Variants in ADAMTS9 observed in about 807,000 individuals in gnomAD.
ADAMTS9 encodes the protein A disintegrin and metalloproteinase with thrombospondin motifs 9.
Under a neutral mutation model 257.1 loss-of-function variants are expected in ADAMTS9, and 107 were observed. The ratio of observed to expected loss-of-function variants is 0.42; its 90% CI spans 0.36 to 0.49. The LOEUF is 0.49. ADAMTS9 is among the 20% of genes least tolerant of loss of function. The pLI is 0.03. For missense variants in ADAMTS9, 2,353 were observed against 2,469.1 expected (o/e 0.95, Z 1.00); for synonymous variants, 982 against 880.9 (o/e 1.11, Z -2.03).
At chr3:64,628,109 C>T (rs1416821558) in intron 16 of ADAMTS9, among the ~76,000 whole-genome samples, 3 of 152,160 alleles carry the variant, frequency 2.0e-5, no homozygotes, top group Non-Finnish European at 4.4e-5. Flanking sequence ...GAGAGACTTC[C>T]TTATGCCAAC....
chr3:64,633,297 C>A (rs946977440), intron 14 of ADAMTS9, among the ~76,000 whole-genome samples, 175 bp downstream of exon 14: 3 of 152,096 alleles, frequency 2.0e-5, no homozygotes, highest in Non-Finnish European at 2.9e-5. Context: ...TTTGGCACTA[C>A]ACGCATCAGA....
chr3:64,528,174 A>G (rs1358732756), intron 38 of ADAMTS9, among the ~76,000 whole-genome samples: 1 of 152,110 alleles, frequency 6.6e-6, no homozygotes, highest in African/African-American at 2.4e-5. Context: ...TCTCACACCC[A>G]GCCAGGACGT....
At chr3:64,649,809 T>C (rs1307887546) in intron 9 of ADAMTS9, 31 bp from the exon 10 acceptor site, 1 of 1,595,420 alleles carries the variant, frequency 6.3e-7, no homozygotes, top group African/African-American at 1.3e-5. Context: ...ACACAGATGG[T>C]GAGAACGGTG....
In ADAMTS9 at chr3:64,641,867, G is replaced by A. The variant is rs1193053630; in HGVS notation, c.1837C>T (p.Arg613Ter). 1 of 1,614,040 alleles carries A rather than the reference G, an allele frequency of 6.2e-7. No individual in the cohort carries two copies. Among genetic ancestry groups the A allele is most frequent in the South Asian group, 1.1e-5 (1 of 91,078 alleles). ...TCGGGIKTAI[R>*]ECNRPEPKNG... ...ACTTACTCTGGTCTGTTGCACTCTC[G>A]AATGGCTGTTTTGATGCCCCCTCCA... The change falls in exon 12 of 40, where the codon CGA becomes TGA. Residue 613 changes from arginine (R) to a stop codon, truncating the protein, a stop_gained. Transcript: ENST00000498707. LOFTEE classifies it high-confidence loss of function.
intron 29 of ADAMTS9, among the ~76,000 whole-genome samples, chr3:64,564,561 C>T (rs1246444370): frequency 2.0e-5 from 3 of 152,052 alleles, no homozygotes; most frequent in African/African-American, 7.3e-5. Flanking sequence ...TCTATACTAG[C>T]ATACAGTATA....
chr3:64,613,235 T>C, intron 22 of ADAMTS9, 110 bp downstream of exon 22: 1 of 1,345,894 alleles, frequency 7.4e-7, no homozygotes, highest in Non-Finnish European at 1.0e-6. Context: ...GTGTCCTGCA[T>C]GCCACCCGGC....
At chr3:64,655,425 G>C in intron 6 of ADAMTS9, 151 bp downstream of exon 6, 1 of 646,130 alleles carries the variant, frequency 1.5e-6, no homozygotes, top group South Asian at 1.9e-5. Flanking sequence ...TAAACATCTT[G>C]CAATGCACAG....
chr3:64,618,156 T>C (rs1195581499), intron 19 of ADAMTS9, among the ~76,000 whole-genome samples: 1 of 152,216 alleles, frequency 6.6e-6, no homozygotes, highest in Non-Finnish European at 1.5e-5. Flanking sequence ...ACCTGTCTAA[T>C]GAGGCCTTGG....
At chr3:64,575,546 G>C (rs1211368486) in intron 28 of ADAMTS9, among the ~76,000 whole-genome samples, 1 of 152,158 alleles carries the variant, frequency 6.6e-6, no homozygotes, top group East Asian at 1.9e-4. Context: ...AGGGGTGCTT[G>C]GGTGCTGCCA....
intron 12 of ADAMTS9, among the ~76,000 whole-genome samples, chr3:64,636,920 G>A (rs75372064): frequency 5.7e-4 from 86 of 152,188 alleles, no homozygotes; most frequent in African/African-American, 2.0e-3. Context: ...ACTGTCCTAC[G>A]TTCCAAATTC....
At chr3:64,673,000 T>C (rs980854602) in intron 3 of ADAMTS9, among the ~76,000 whole-genome samples, 4 of 134,434 alleles carry the variant, frequency 3.0e-5, no homozygotes, top group African/African-American at 1.2e-4. Flanking sequence ...AGTCACATAC[T>C]GTACAGGTCT....
intron 30 of ADAMTS9, among the ~76,000 whole-genome samples, chr3:64,555,535 G>A (rs1316382318): frequency 6.6e-6 from 1 of 152,184 alleles, no homozygotes; most frequent in Non-Finnish European, 1.5e-5. Flanking sequence ...TAGCTCAGCT[G>A]GCTGACTGGT....
rs536181242 is a variant in ADAMTS9 at position 64,685,971 on chromosome 3, C to T, written c.516+597G>A. Among the ~76,000 whole-genome samples, 17 of 152,346 alleles carry T rather than the reference C, an allele frequency of 1.1e-4. 2 individuals carry two copies. The highest frequency in any genetic ancestry group is 3.8e-4 in the African/African-American group (16 of 41,590). On this transcript the variant is annotated intron_variant, in intron 2 of 39. Coordinates refer to ENST00000498707, the MANE Select transcript of ADAMTS9 (RefSeq NM_182920.2). ...CCTTCTCCCCCGCCCCCAGAGCCCT[C>T]GGCCCACCCTTCCGTTCCTGGGACG...
chr3:64,553,673 T>G (rs2106938361), intron 30 of ADAMTS9, among the ~76,000 whole-genome samples: 1 of 152,210 alleles, frequency 6.6e-6, no homozygotes, highest in South Asian at 2.1e-4. Context: ...CCTTGTCACT[T>G]GCAAACTAAA....
At chr3:64,523,961 T>A (rs2082880667) in intron 38 of ADAMTS9, among the ~76,000 whole-genome samples, 1 of 152,188 alleles carries the variant, frequency 6.6e-6, no homozygotes, top group South Asian at 2.1e-4. Context: ...TGTTTCTCAA[T>A]GGATTGTACC....
intron 19 of ADAMTS9, among the ~76,000 whole-genome samples, chr3:64,618,178 A>C (rs914249519): frequency 2.0e-5 from 3 of 152,184 alleles, no homozygotes; most frequent in Non-Finnish European, 4.4e-5. Flanking sequence ...AACTAATCCT[A>C]AACTCCTGGT....
chr3:64,541,765 G>A, intron 33 of ADAMTS9, 73 bp downstream of exon 33: 1 of 1,591,052 alleles, frequency 6.3e-7, no homozygotes, highest in Non-Finnish European at 8.6e-7. Context: ...TTCTAAAAAG[G>A]GCAGGCAATC....
chr3:64,559,725 G>T lies in ADAMTS9; in HGVS notation c.4698+1853C>A, dbSNP rs528112425. On this transcript the variant is annotated intron_variant, in intron 30 of 39. Transcript: ENST00000498707. ...TGATCAGAGAAGAGGAATTTCCTCA[G>T]TGCATATGTGGCAAGGTTTTTCCAT... Among the ~76,000 whole-genome samples, 4 of 152,378 alleles carry T rather than the reference G, an allele frequency of 2.6e-5. No homozygotes were observed. The South Asian group carries it at 8.3e-4, about 32-fold the overall frequency.
Position 64,601,935 on chromosome 3 carries a change from A to T in ADAMTS9, c.4017+9T>A. ...AAAGAGAAGCAAGCAAACTTCAGGGAATACTCACTGCTCCCCAGGGGCCAG... is the reference window on the plus strand; with the variant it reads ...AAAGAGAAGCAAGCAAACTTCAGGGTATACTCACTGCTCCCCAGGGGCCAG... On this transcript the variant is annotated intron_variant, in intron 26 of 39. Coordinates refer to ENST00000498707, the MANE Select transcript of ADAMTS9 (RefSeq NM_182920.2). 6.3e-7 allele frequency: 1 copy of T among 1,587,144 alleles called. No individual in the cohort carries two copies. Among genetic ancestry groups the T allele is most frequent in the Non-Finnish European group, 8.6e-7 (1 of 1,166,044 alleles).
Sources: allele counts gnomAD v4.1 joint callset (sites outside exome capture counted in the v4.1 genomes callset), GRCh38; gene constraint gnomAD v4.1.1; transcripts MANE v1.5; gene names NCBI Gene and HGNC (gene_info 2026-07-23, HGNC 2026-07-21).